CDH18: variants seen among roughly 807,000 people sequenced by gnomAD.
CDH18 encodes cadherin 18.
Under a neutral mutation model 67.9 loss-of-function variants are expected in CDH18, and 31 were observed. That is an observed-to-expected ratio of 0.46 (90% CI 0.34 to 0.62). The LOEUF is 0.62. Among genes scored for constraint, CDH18 ranks in the 20% least tolerant of loss-of-function variants. The pLI, the probability that CDH18 is intolerant of heterozygous loss-of-function variation, is 0.01. For synonymous variants in CDH18, 362 were observed against 347.2 expected, an observed-to-expected ratio of 1.04 and a Z score of -0.48; for missense variants, 890 against 975.5, an observed-to-expected ratio of 0.91 and a Z score of 1.17.
chr5:20,561,001 A>C (rs1393277522), intron 1 of CDH18, among the ~76,000 whole-genome samples: 1 of 152,146 alleles, frequency 6.6e-6, no homozygotes, highest in Non-Finnish European at 1.5e-5. Flanking sequence ...AAAGTAATAT[A>C]AAACAATGTT....
chr5:20,517,967 A>G (rs1408837260), intron 1 of CDH18, among the ~76,000 whole-genome samples: 2 of 152,064 alleles, frequency 1.3e-5, no homozygotes, highest in Admixed American at 6.6e-5. Context: ...CTAAATCTAT[A>G]TCACAAAAGA....
At chr5:19,539,335 C>G (rs548798279) in intron 9 of CDH18, among the ~76,000 whole-genome samples, 1 of 152,002 alleles carries the variant, frequency 6.6e-6, no homozygotes, top group South Asian at 2.1e-4. Flanking sequence ...TAAAAATATA[C>G]CTATATTTTA....
intron 2 of CDH18, among the ~76,000 whole-genome samples, chr5:19,856,118 T>A (rs1425543359): frequency 6.6e-6 from 1 of 152,208 alleles, no homozygotes; most frequent in Non-Finnish European, 1.5e-5. Context: ...AAAAAGTAAC[T>A]TGAGTCAGCG....
chr5:20,434,398 T>C (rs1254506181), intron 1 of CDH18, among the ~76,000 whole-genome samples: 1 of 151,786 alleles, frequency 6.6e-6, no homozygotes, highest in African/African-American at 2.4e-5. Flanking sequence ...GTAGAGGAGA[T>C]CTGGAAAATA....
At chr5:19,694,492 T>A (rs1362833685) in intron 5 of CDH18, among the ~76,000 whole-genome samples, 1 of 152,172 alleles carries the variant, frequency 6.6e-6, no homozygotes, top group African/African-American at 2.4e-5. Context: ...ATGTCTTAAA[T>A]CACACTTACG....
chr5:20,436,513 C>T (rs1446707277), intron 1 of CDH18, among the ~76,000 whole-genome samples: 1 of 151,668 alleles, frequency 6.6e-6, no homozygotes, highest in Non-Finnish European at 1.5e-5. Context: ...AGTAACAGGA[C>T]ACGTGGTAGC....
At chr5:20,492,070 T>C (rs1398086766) in intron 1 of CDH18, among the ~76,000 whole-genome samples, 2 of 152,102 alleles carry the variant, frequency 1.3e-5, no homozygotes, top group East Asian at 3.9e-4. Context: ...AAAAATTCAG[T>C]AGGTTTACTT....
intron 4 of CDH18, among the ~76,000 whole-genome samples, chr5:19,745,272 G>T (rs1769833232): frequency 1.3e-5 from 2 of 152,220 alleles, no homozygotes; most frequent in East Asian, 1.9e-4. Flanking sequence ...AAAGCAAAAG[G>T]CTTTGAGTTA....
chr5:20,132,543 C>T (rs183023184), intron 2 of CDH18, among the ~76,000 whole-genome samples: 185 of 152,152 alleles, frequency 1.2e-3, no homozygotes, highest in Non-Finnish European at 2.3e-3. Flanking sequence ...ATTCTATCCC[C>T]CACCTTTACT....
intron 11 of CDH18, among the ~76,000 whole-genome samples, chr5:19,486,402 T>A (rs1330913487): frequency 1.3e-5 from 2 of 151,948 alleles, no homozygotes; most frequent in African/African-American, 4.8e-5. Context: ...CATATATATG[T>A]GTATATATCA....
chr5:20,254,132 A>C (rs2126607148), intron 2 of CDH18, among the ~76,000 whole-genome samples: 1 of 152,236 alleles, frequency 6.6e-6, no homozygotes, highest in Non-Finnish European at 1.5e-5. Context: ...TGTTTTTCTG[A>C]GATGGAGTTT....
chr5:20,418,252 T>A (rs1747506872), intron 1 of CDH18, among the ~76,000 whole-genome samples: 1 of 127,712 alleles, frequency 7.8e-6, no homozygotes, highest in East Asian at 2.2e-4. Flanking sequence ...ATTTTTTTTT[T>A]TTTTTTTTTT....
chr5:19,478,291 T>C (rs1372859945), intron 12 of CDH18, among the ~76,000 whole-genome samples: 1 of 152,098 alleles, frequency 6.6e-6, no homozygotes, highest in Non-Finnish European at 1.5e-5. Flanking sequence ...TTTTTAAACC[T>C]CAAATACCAC....
At chr5:20,199,109 C>A (rs1036849404) in intron 2 of CDH18, among the ~76,000 whole-genome samples, 1 of 152,194 alleles carries the variant, frequency 6.6e-6, no homozygotes, top group Non-Finnish European at 1.5e-5. Flanking sequence ...AGAGTTCCCA[C>A]TGGGGCACTA....
In CDH18 at chr5:20,133,245, T is replaced by C. The variant is rs749693728; in HGVS notation, c.-518+122199A>G. On this transcript the variant is annotated intron_variant, in intron 2 of 14. Transcript: ENST00000507958. Reference sequence around the variant, plus strand: ...AATTTGTAAAGAAAAATAGGTTAAATGGATGCACAGTTCCACATGGTTGGG... The same window carrying C: ...AATTTGTAAAGAAAAATAGGTTAAACGGATGCACAGTTCCACATGGTTGGG... Among the ~76,000 whole-genome samples, 342 of 152,194 alleles carry C rather than the reference T, an allele frequency of 2.2e-3. 4 individuals are homozygous for C. The highest frequency in any genetic ancestry group is 2.4e-3 in the Non-Finnish European group (164 of 68,038).
At chr5:19,678,895 C>T (rs1361939926) in intron 5 of CDH18, among the ~76,000 whole-genome samples, 2 of 151,936 alleles carry the variant, frequency 1.3e-5, no homozygotes, top group Non-Finnish European at 2.9e-5. Flanking sequence ...ACCATTCCTA[C>T]TGAAAGTATT....
intron 11 of CDH18, among the ~76,000 whole-genome samples, chr5:19,488,562 T>G (rs1475968798): frequency 6.6e-6 from 1 of 152,172 alleles, no homozygotes; most frequent in Non-Finnish European, 1.5e-5. Flanking sequence ...CTCTGAGTTT[T>G]TTTCAGTCTT....
chr5:19,707,500 T>C (rs1764122759), intron 5 of CDH18, among the ~76,000 whole-genome samples: 2 of 152,166 alleles, frequency 1.3e-5, no homozygotes, highest in South Asian at 4.1e-4. Context: ...TAATGATAGC[T>C]CTTGGATGTT....
Position 19,936,319 on chromosome 5 carries a change from TA to T in CDH18, c.-257+44740del, listed in dbSNP as rs1398551239. On this transcript the variant is annotated intron_variant, in intron 2 of 12. Transcript: ENST00000382275. ...GAAAGTTAAAGAGCACTTTCTTTTT[TA>T]AAAAAATAATTAATTATAAATGATG... 7.9e-5 allele frequency among the ~76,000 whole-genome samples: 12 copies of T among 151,410 alleles called. No homozygotes were observed. In the South Asian group the frequency reaches 8.3e-4, roughly 10 times the overall value.
Sources: gnomAD v4.1 joint callset for allele counts (sites outside exome capture counted in the v4.1 genomes callset) on GRCh38, gnomAD v4.1.1 for gene constraint, MANE v1.5 for transcripts, NCBI Gene and HGNC (gene_info 2026-07-23, HGNC 2026-07-21) for gene names.